DIDO1: variants seen among roughly 807,000 people sequenced by gnomAD.
DIDO1 encodes death inducer-obliterator 1, also known as death-inducer obliterator 1.
A neutral mutation model predicts 99.4 loss-of-function variants in DIDO1; 16 were observed. The observed-to-expected ratio is 0.16, with a 90% CI of 0.11 to 0.24. DIDO1 has a LOEUF of 0.24. Ranked by LOEUF, DIDO1 falls within the 10% of genes least tolerant of loss-of-function variation. The pLI, the probability that DIDO1 is intolerant of heterozygous loss-of-function variation, is 1.00. For synonymous variants in DIDO1, 1,366 were observed against 1,239.1 expected (o/e 1.10, Z -2.15); for missense variants, 2,996 against 3,014.0 (o/e 0.99, Z 0.14).
intron 1 of DIDO1, among the ~76,000 whole-genome samples, chr20:62,934,224 G>C (rs932101132): frequency 6.6e-6 from 1 of 152,114 alleles, no homozygotes; most frequent in African/African-American, 2.4e-5. Flanking sequence ...GGTGGCTTCA[G>C]GGCTCTGGCC....
intron 1 of DIDO1, among the ~76,000 whole-genome samples, chr20:62,925,827 C>G (rs185508672): frequency 6.6e-6 from 1 of 152,278 alleles, no homozygotes; most frequent in East Asian, 1.9e-4. Context: ...AACTATTCCA[C>G]AAAAAAACTG....
rs1237568414 is a variant in DIDO1, at chr20:62,880,713, G to A, written c.5243C>T (p.Pro1748Leu). 4 of 1,612,692 alleles carry A rather than the reference G, an allele frequency of 2.5e-6. No homozygotes were observed. The highest frequency in any genetic ancestry group is 3.4e-6 in the Non-Finnish European group (4 of 1,179,878). The change falls in exon 16 of 16, where the codon CCC becomes CTC. Residue 1748 changes from proline to leucine, a missense_variant. Physicochemically the swap from Pro to Leu is moderately conservative, Grantham distance 98. This residue lies in a region of DIDO1 where 1,562 missense variants were observed against 1,412.6 expected (regional missense o/e 1.11). Transcript: ENST00000395343. ...AGGTTCCCGCTGACCCTGAAACGGG[G>A]GCTGAGAGCCCCCCACTTTCTGTCC... ...PPGQKVGGSQ[P>L]PFQGQREPGP...
chr20:62,912,554 T>C lies in DIDO1; in HGVS notation c.-2-940A>G, dbSNP rs955487633. Among the ~76,000 whole-genome samples, 7 of 152,040 alleles carry C rather than the reference T, an allele frequency of 4.6e-5. 1 individual carries two copies. The highest frequency in any genetic ancestry group is 2.0e-4 in the Admixed American group (3 of 15,250). On this transcript the variant is annotated intron_variant, in intron 2 of 15. Transcript: ENST00000395343. ...TTCATTCTAATACATTACTAAAGAA[T>C]CTTATTTATGAAACTTTTACTCTTG... is the stretch of plus-strand genomic sequence containing the variant.
intron 1 of DIDO1, among the ~76,000 whole-genome samples, chr20:62,926,201 C>A (rs2147593082): frequency 6.6e-6 from 1 of 152,096 alleles, no homozygotes; most frequent in East Asian, 1.9e-4. Context: ...CCCACCAGGG[C>A]CGGCGTCTGA....
rs2064999309 is a variant in DIDO1, at chr20:62,914,247, A to G, written c.-40T>C. 1 of 152,134 alleles carries G rather than the reference A, an allele frequency of 6.6e-6. No individual in the cohort carries two copies. The highest frequency in any genetic ancestry group is 1.9e-4 in the East Asian group (1 of 5,188). The allele number at this position is 152,134 out of a possible 1,614,324, so 9.4% of individuals were successfully genotyped here. A position where few individuals can be genotyped will look rare whatever the true frequency, so the allele number is the denominator to read the frequency against. ...TGAAAGCTTGGACACTTTTCCCTGA[A>G]ATCCTAAATACAACCAAAAACCCTG... On this transcript the variant is annotated 5_prime_UTR_variant, in exon 2 of 16. Transcript: ENST00000395343.
chr20:62,894,986 T>C lies in DIDO1; in HGVS notation c.2331+63A>G. 3.8e-6 allele frequency: 6 copies of C among 1,597,306 alleles called. No individual in the cohort carries two copies. The highest frequency in any genetic ancestry group is 4.3e-6 in the Non-Finnish European group (5 of 1,166,030). ...GGAAAGCATCGCTTATGCAGCCGTCTATGAATTTATTTCTATTAAGCTCGA... is the reference window on the plus strand; with the variant it reads ...GGAAAGCATCGCTTATGCAGCCGTCCATGAATTTATTTCTATTAAGCTCGA... On this transcript the variant is annotated intron_variant, in intron 9 of 15. Transcript: ENST00000395343. This position sits in a 1 kb window ranked among gnomAD's most constrained non-coding sequence, Gnocchi z 4.4.
At chr20:62,920,577 C>G (rs966000595) in intron 1 of DIDO1, among the ~76,000 whole-genome samples, 1 of 152,338 alleles carries the variant, frequency 6.6e-6, no homozygotes, top group East Asian at 1.9e-4. Context: ...TCAATTTCCC[C>G]AAGTGTTTAG....
chr20:62,930,352 T>G (rs1178799869), upstream of DIDO1, among the ~76,000 whole-genome samples: 35 of 152,220 alleles, frequency 2.3e-4, no homozygotes, highest in South Asian at 1.2e-3. Context: ...GAATGCTGTT[T>G]TGAGACAACC....
At chr20:62,933,146 G>C (rs1279331257) in intron 1 of DIDO1, among the ~76,000 whole-genome samples, 2 of 152,182 alleles carry the variant, frequency 1.3e-5, no homozygotes, top group Non-Finnish European at 2.9e-5. Context: ...GGTAGGCGGA[G>C]GTTGCAGTGA....
rs1288627899 is a variant in DIDO1, at chr20:62,910,675, C to T, written c.839+99G>A. 13 of 1,343,168 alleles carry T rather than the reference C, an allele frequency of 9.7e-6. No homozygotes were observed. In the Admixed American group the frequency reaches 1.1e-4, roughly 11 times the overall value. 83.2% of individuals were successfully genotyped at this position (1,343,168 alleles called of 1,614,324 possible). A position where few individuals can be genotyped will look rare whatever the true frequency, so the allele number is the denominator to read the frequency against. ...AACTTGTTCATCTTTTCCAACAAAT[C>T]GCTCATCCAGCCCAGCTTTGTAACC... On this transcript the variant is annotated intron_variant, in intron 3 of 15. Transcript: ENST00000395343.
chr20:62,881,445 C>T lies in DIDO1; in HGVS notation c.4511G>A (p.Arg1504Lys), dbSNP rs774954732. Residue 1504 changes from arginine to lysine, a missense_variant, in exon 16 of 16, where the codon AGG (arginine) becomes AAG (lysine). Transcript: ENST00000395343. This position sits in a 1 kb window ranked among gnomAD's most constrained non-coding sequence, Gnocchi z 8.3. ...EEQEEALRQQ[R>K]AAVGVSMAHF... is the part of the protein sequence containing the mutation. ...GGCCATGGAGACCCCGACGGCGGCC[C>T]TCTGCTGCCTGAGAGCTTCTTCTTG... The T allele has an allele frequency of 6.2e-7, 1 of 1,609,366 alleles. No homozygotes were observed. Among genetic ancestry groups the T allele is most frequent in the South Asian group, 1.1e-5 (1 of 91,076 alleles).
chr20:62,890,312 G>A (rs933905233), intron 15 of DIDO1: 11 of 985,914 alleles, frequency 1.1e-5, no homozygotes, highest in Non-Finnish European at 1.3e-5. Flanking sequence ...TGAAAGAGCT[G>A]GTCACTAACA....
At chr20:62,930,519 G>A (rs534379127), upstream of DIDO1, among the ~76,000 whole-genome samples, 4 of 152,338 alleles carry the variant, frequency 2.6e-5, no homozygotes, top group South Asian at 4.1e-4. Context: ...GGGATGTGAT[G>A]GAGCTACACG....
intron 15 of DIDO1, chr20:62,890,127 G>C (rs1402227349): frequency 1.0e-6 from 1 of 985,812 alleles, no homozygotes; most frequent in Non-Finnish European, 1.2e-6. Context: ...TGAGGCACAG[G>C]GTCCAGACAG....
rs1373162353 is a variant in DIDO1, at chr20:62,879,752, G to A, written c.6204C>T (p.Ala2068=). The A allele has an allele frequency of 1.2e-6, 2 of 1,611,578 alleles. No homozygotes were observed. Among genetic ancestry groups the A allele is most frequent in the African/African-American group, 1.3e-5 (1 of 74,904 alleles). The part of the protein sequence containing the change: ...GPEADGQWAS[A]DFREGKGHEY... Reference sequence around the variant, plus strand: ...CGTGGCCTTTCCCCTCTCGGAAGTCGGCCGATGCCCACTGTCCGTCGGCCT... The same window carrying A: ...CGTGGCCTTTCCCCTCTCGGAAGTCAGCCGATGCCCACTGTCCGTCGGCCT... Residue 2068 remains alanine (A), a synonymous_variant, in exon 16 of 16, where the codon GCC becomes GCT. Coordinates refer to ENST00000395343, the MANE Select transcript of DIDO1 (RefSeq NM_001193369.2). This position sits in a 1 kb window ranked among gnomAD's most constrained non-coding sequence, Gnocchi z 6.3.
intron 1 of DIDO1, among the ~76,000 whole-genome samples, chr20:62,916,193 C>T (rs1238070771): frequency 6.6e-6 from 1 of 152,152 alleles, no homozygotes; most frequent in Non-Finnish European, 1.5e-5. Context: ...AAACTGCAAC[C>T]ATATTGTATC....
At chr20:62,924,911 A>G (rs908864182) in intron 1 of DIDO1, among the ~76,000 whole-genome samples, 1 of 152,216 alleles carries the variant, frequency 6.6e-6, no homozygotes, top group Non-Finnish European at 1.5e-5. Context: ...GCGCTTTTCC[A>G]AAACAAGAGG....
At position 62,893,731 on chromosome 20, in the gene DIDO1, T is replaced by C; in HGVS notation, c.3036A>G (p.Ile1012Met). 1 of 1,614,120 alleles carries C rather than the reference T, an allele frequency of 6.2e-7. No homozygotes were observed. The highest frequency in any genetic ancestry group is 1.7e-5 in the Admixed American group (1 of 60,038). ...VLTSVMVPKS[I>M]LAKPSSSPDP... ...CAGGAGATGAGGATGGCTTAGCTAG[T>C]ATGGACTTGGGCACCATCACAGAAG... The change falls in exon 12 of 16, where the codon ATA becomes ATG. Residue 1012 changes from isoleucine (I) to methionine (M), a missense_variant. Transcript: ENST00000395343.
chr20:62,879,023 A>G lies in DIDO1; in HGVS notation c.*210T>C. ...CAATTTCCCATTTCTTTTAATTTTA[A>G]ATGGAAATATTAAAGTTTAGTTTTT... On this transcript the variant is annotated 3_prime_UTR_variant, in exon 16 of 16. Transcript: ENST00000395343. This position sits in a 1 kb window ranked among gnomAD's most constrained non-coding sequence, Gnocchi z 6.3. The G allele has an allele frequency of 2.1e-6, 1 of 467,194 alleles. No homozygotes were observed. The highest frequency in any genetic ancestry group is 3.6e-6 in the Non-Finnish European group (1 of 276,090). 28.9% of individuals were successfully genotyped at this position (467,194 alleles called of 1,614,324 possible).
Sources: gnomAD v4.1 joint callset for allele counts (sites outside exome capture counted in the v4.1 genomes callset) on GRCh38, gnomAD v4.1.1 for gene constraint, gnomAD v4.1.1 regional missense constraint, Gnocchi (gnomAD v3.1) non-coding constraint, MANE v1.5 for transcripts, NCBI Gene and HGNC (gene_info 2026-07-23, HGNC 2026-07-21) for gene names.